Variants in ADGRV1 observed in about 807,000 individuals in gnomAD.
The protein encoded by ADGRV1 is G-protein coupled receptor 98.
In ADGRV1, 359 loss-of-function variants were observed where a neutral mutation model predicts 596.2. That is an observed-to-expected ratio of 0.60 (90% CI 0.55 to 0.66). The LOEUF (loss-of-function observed/expected upper bound fraction) is 0.66, where lower values mean the gene tolerates loss of function less well. Among genes scored for constraint, ADGRV1 ranks in the 30% least tolerant of loss-of-function variants. The pLI, the probability that ADGRV1 is intolerant of heterozygous loss-of-function variation, is 0.00. For missense variants in ADGRV1, 7,274 were observed against 7,575.6 expected, an observed-to-expected ratio of 0.96 and a Z score of 1.48; for synonymous variants, 2,681 against 2,679.2, an observed-to-expected ratio of 1.00 and a Z score of -0.02.
At chr5:90,758,200 G>A (rs2149989263) in intron 57 of ADGRV1, among the ~76,000 whole-genome samples, 1 of 152,206 alleles carries the variant, frequency 6.6e-6, no homozygotes, top group East Asian at 1.9e-4. Flanking sequence ...GGGCGTGGTG[G>A]CGGGCACCTG....
intron 2 of ADGRV1, among the ~76,000 whole-genome samples, chr5:90,615,671 A>G (rs762301574): frequency 2.0e-5 from 3 of 151,940 alleles, no homozygotes; most frequent in Non-Finnish European, 2.9e-5. Context: ...TAATTATCAC[A>G]TTGTGAAATA....
chr5:91,067,476 A>G lies in ADGRV1; in HGVS notation c.18153-4971A>G, dbSNP rs1243099720. On this transcript the variant is annotated intron_variant, in intron 85 of 89. Transcript: ENST00000405460. ...GATTTTTAAGATCATTAGCGCTTAG[A>G]GAGTTCCCTTCTCTTCCTGAGTGGA... 3.9e-5 allele frequency among the ~76,000 whole-genome samples: 6 copies of G among 152,204 alleles called. No individual in the cohort carries two copies. In the South Asian group the frequency reaches 6.2e-4, roughly 16 times the overall value.
At chr5:90,837,663 G>A (rs1343652276) in intron 77 of ADGRV1, among the ~76,000 whole-genome samples, 1 of 151,706 alleles carries the variant, frequency 6.6e-6, no homozygotes, top group Admixed American at 6.6e-5. Flanking sequence ...ATTCTTCTTT[G>A]TGTTTATTAT....
At chr5:90,708,189 T>C (rs1366263423) in intron 38 of ADGRV1, among the ~76,000 whole-genome samples, 1 of 152,206 alleles carries the variant, frequency 6.6e-6, no homozygotes, top group Non-Finnish European at 1.5e-5. Flanking sequence ...CTAATCCTTA[T>C]GTTTTTGGTA....
At chr5:90,606,682 A>G (rs1029520521) in intron 1 of ADGRV1, among the ~76,000 whole-genome samples, 7 of 152,290 alleles carry the variant, frequency 4.6e-5, no homozygotes, top group African/African-American at 1.7e-4. Context: ...AGGGAAGGGT[A>G]GACACAATTA....
rs569417896 is a variant in ADGRV1, at chr5:90,679,706, CT to C, written c.5524+79del. On this transcript the variant is annotated intron_variant, in intron 26 of 89. Transcript: ENST00000405460. ...CTCATTTTAGAGACAATACTAACCA[CT>C]TATTGACACCTACTATGTGTAGGTC... is the stretch of plus-strand genomic sequence containing the variant. 2.0e-4 allele frequency: 176 copies of C among 880,410 alleles called. No homozygotes were observed. In the African/African-American group the frequency reaches 2.7e-3, roughly 13 times the overall value. 54.5% of individuals were successfully genotyped at this position (880,410 alleles called of 1,614,324 possible).
intron 86 of ADGRV1, among the ~76,000 whole-genome samples, chr5:91,095,349 G>A (rs570996996): frequency 7.2e-5 from 11 of 152,030 alleles, no homozygotes; most frequent in South Asian, 4.1e-4. Flanking sequence ...ACAGGCATGC[G>A]CTTCCACACT....
intron 83 of ADGRV1, among the ~76,000 whole-genome samples, chr5:90,878,944 G>GA (rs1561886320): frequency 6.6e-6 from 1 of 152,234 alleles, no homozygotes; most frequent in Non-Finnish European, 1.5e-5. Context: ...AATGGCAAGA[G>GA]AAACGATTGC....
At chr5:90,857,370 T>C (rs1467617516) in intron 82 of ADGRV1, among the ~76,000 whole-genome samples, 2 of 152,060 alleles carry the variant, frequency 1.3e-5, no homozygotes, top group African/African-American at 4.8e-5. Flanking sequence ...ATCCCTTGCT[T>C]GTTCCCAAAG....
At chr5:90,738,693 G>A (rs1175540115) in intron 50 of ADGRV1, among the ~76,000 whole-genome samples, 3 of 152,158 alleles carry the variant, frequency 2.0e-5, no homozygotes, top group African/African-American at 4.8e-5. Flanking sequence ...ATATTGAGAC[G>A]CCTTTGAATG....
intron 17 of ADGRV1, among the ~76,000 whole-genome samples, chr5:90,649,433 T>A (rs1768278523): frequency 6.6e-6 from 1 of 152,214 alleles, no homozygotes; most frequent in Non-Finnish European, 1.5e-5. Flanking sequence ...CCAATATGGT[T>A]AAATAGTGAA....
chr5:90,928,848 A>T (rs1304336204), intron 83 of ADGRV1, among the ~76,000 whole-genome samples: 1 of 149,302 alleles, frequency 6.7e-6, no homozygotes, highest in Non-Finnish European at 1.5e-5. Flanking sequence ...TTTCCTTCTA[A>T]CAGACAGGAC....
chr5:91,103,353 GA>G (rs997021273), intron 87 of ADGRV1, among the ~76,000 whole-genome samples: 1 of 151,716 alleles, frequency 6.6e-6, no homozygotes, highest in African/African-American at 2.4e-5. Flanking sequence ...AGGTGGTAAA[GA>G]AGACAGTCCG....
intron 77 of ADGRV1, among the ~76,000 whole-genome samples, chr5:90,839,899 A>G (rs1226824947): frequency 6.6e-6 from 1 of 152,166 alleles, no homozygotes; most frequent in Non-Finnish European, 1.5e-5. Context: ...TCAAATCTAT[A>G]TCCATTGTAT....
At position 90,681,309 on chromosome 5, in the gene ADGRV1, A is replaced by G. The variant is rs978528472; in HGVS notation, c.5525-6A>G. ...TTTTTCTATTTGTTGGAACTTGTTC[A>G]TGCAGCCAGTCTAGGAGTGGCTTCC... is the stretch of plus-strand genomic sequence containing the variant. On this transcript the variant is annotated splice_polypyrimidine_tract_variant and splice_region_variant and intron_variant, in intron 26 of 89. Coordinates refer to ENST00000405460, the MANE Select transcript of ADGRV1 (RefSeq NM_032119.4). 3.1e-6 allele frequency: 5 copies of G among 1,611,336 alleles called. No homozygotes were observed. The African/African-American group carries it at 5.4e-5, about 17-fold the overall frequency.
intron 79 of ADGRV1, among the ~76,000 whole-genome samples, chr5:90,849,509 C>A (rs955265456): frequency 5.9e-5 from 9 of 152,128 alleles, no homozygotes; most frequent in African/African-American, 2.2e-4. Flanking sequence ...CTCACCTCAA[C>A]CTCCCTAATA....
chr5:91,061,456 A>G (rs148287571), intron 85 of ADGRV1, among the ~76,000 whole-genome samples: 135 of 152,282 alleles, frequency 8.9e-4, no homozygotes, highest in African/African-American at 3.1e-3. Context: ...AATATATTTA[A>G]CTCCTTAATG....
At chr5:90,670,329 C>T (rs1423055284) in intron 21 of ADGRV1, among the ~76,000 whole-genome samples, 1 of 152,162 alleles carries the variant, frequency 6.6e-6, no homozygotes, top group Non-Finnish European at 1.5e-5. Flanking sequence ...GGTCAGAGGG[C>T]AGAGCTGTAA....
chr5:90,963,804 A>G (rs952269669), intron 83 of ADGRV1, among the ~76,000 whole-genome samples: 1 of 151,016 alleles, frequency 6.6e-6, no homozygotes, highest in African/African-American at 2.4e-5. Flanking sequence ...TTGATCAGGC[A>G]GGCACAGGAA....
Sources: allele counts gnomAD v4.1 joint callset (sites outside exome capture counted in the v4.1 genomes callset), GRCh38; gene constraint gnomAD v4.1.1; transcripts MANE v1.5; gene names NCBI Gene and HGNC (gene_info 2026-07-23, HGNC 2026-07-21).